Variants in WDR44 observed in about 807,000 individuals in gnomAD.
WDR44 encodes the protein WD repeat domain 44.
Under a neutral mutation model 65.7 loss-of-function variants are expected in WDR44, and 9 were observed. The ratio of observed to expected loss-of-function variants is 0.14; its 90% CI spans 0.08 to 0.24. WDR44 has a LOEUF of 0.24. Ranked by LOEUF, WDR44 falls within the 10% of genes least tolerant of loss-of-function variation. The pLI is 1.00. For missense variants in WDR44, 425 were observed against 670.9 expected (o/e 0.63, Z 4.05); for synonymous variants, 220 against 235.2 (o/e 0.94, Z 0.59).
intron 12 of WDR44, among the ~76,000 whole-genome samples, chrX:118,432,489 G>A (rs900791773): frequency 1.8e-5 from 2 of 111,722 alleles, no homozygotes; most frequent in African/African-American, 6.5e-5. Flanking sequence ...TGATTCACTC[G>A]CTGGTACTGG....
At position 118,378,709 on chromosome X, in the gene WDR44, C is replaced by CGTGTGTGTGTGTGTGTGTGT. The variant is rs61698360; in HGVS notation, c.111+264_111+283dup. 1.0e-2 allele frequency among the ~76,000 whole-genome samples: 942 copies of CGTGTGTGTGTGTGTGTGTGT among 94,427 alleles called. 28 individuals are homozygous for CGTGTGTGTGTGTGTGTGTGT. The highest frequency in any genetic ancestry group is 0.034 in the African/African-American group (798 of 23,182). The allele number at this position is 94,427 out of a possible 115,157, so 82.0% of individuals were successfully genotyped here. On this transcript the variant is annotated intron_variant, in intron 2 of 19. Coordinates refer to ENST00000254029, the MANE Select transcript of WDR44 (RefSeq NM_019045.5). ...GTTTATAATATCTAGAATAAAAGAA[C>CGTGTGTGTGTGTGTGTGTGT]GTGTGTGTGTGTGTGTGTGTGTGTG...
intron 9 of WDR44, 143 bp downstream of exon 9, chrX:118,404,587 CTA>C (rs777650608): frequency 7.1e-6 from 3 of 420,005 alleles, no homozygotes; most frequent in South Asian, 6.3e-5. Context: ...ATAAGGTACT[CTA>C]TGACTTAATT....
intron 1 of WDR44, among the ~76,000 whole-genome samples, chrX:118,360,145 C>A (rs182053531): frequency 2.1e-4 from 23 of 111,919 alleles, no homozygotes; most frequent in African/African-American, 3.6e-4. Context: ...GGTACTGTTA[C>A]AAATTATTTA....
At chrX:118,387,979 C>G (rs1032788830) in intron 3 of WDR44, among the ~76,000 whole-genome samples, 6 of 111,588 alleles carry the variant, frequency 5.4e-5, no homozygotes, top group Admixed American at 4.8e-4. Context: ...GTGCCCTAGG[C>G]AATGTTCTAG....
At chrX:118,418,934 G>C (rs766280535) in intron 12 of WDR44, among the ~76,000 whole-genome samples, 7 of 110,613 alleles carry the variant, frequency 6.3e-5, no homozygotes, top group Admixed American at 1.9e-4. Context: ...GGCTGCCTCT[G>C]CTGAGTCATG....
At chrX:118,434,897 T>A (rs2057241455) in intron 13 of WDR44, among the ~76,000 whole-genome samples, 1 of 111,870 alleles carries the variant, frequency 8.9e-6, no homozygotes, top group South Asian at 3.7e-4. Context: ...AGAATTACCG[T>A]GTTAATTCTT....
In WDR44 at chrX:118,353,325, G is replaced by A. The variant is rs865939465; in HGVS notation, c.77+6745G>A. 2.3e-4 allele frequency among the ~76,000 whole-genome samples: 26 copies of A among 111,835 alleles called. No homozygotes were observed. In the Middle Eastern group the frequency reaches 0.019, roughly 80 times the overall value. Reference sequence around the variant, plus strand: ...CCTCATACCTGATGGCAACCCTGATGTTTTTCCTCAGTCAGTATACAAATT... The same window carrying A: ...CCTCATACCTGATGGCAACCCTGATATTTTTCCTCAGTCAGTATACAAATT... On this transcript the variant is annotated intron_variant, in intron 1 of 19. Coordinates refer to ENST00000254029, the MANE Select transcript of WDR44 (RefSeq NM_019045.5).
In WDR44 at chrX:118,378,323, A is replaced by G. The variant is rs1304440469; in HGVS notation, c.78-96A>G. 3 of 722,676 alleles carry G rather than the reference A, an allele frequency of 4.2e-6. No homozygotes were observed. The African/African-American group carries it at 6.5e-5, about 16-fold the overall frequency. 59.6% of individuals were successfully genotyped at this position (722,676 alleles called of 1,213,427 possible). A position where few individuals can be genotyped will look rare whatever the true frequency, so the allele number is the denominator to read the frequency against. ...CTTTTCAGTCACAAAATATATACAC[A>G]TTTTTTAAATGTGGACTTGTCTGTA... On this transcript the variant is annotated intron_variant, in intron 1 of 19. Coordinates refer to ENST00000254029, the MANE Select transcript of WDR44 (RefSeq NM_019045.5).
At chrX:118,429,415 C>G (rs931136296) in intron 12 of WDR44, among the ~76,000 whole-genome samples, 1 of 107,919 alleles carries the variant, frequency 9.3e-6, no homozygotes, top group Admixed American at 1.0e-4. Context: ...ATAGTGGAAC[C>G]CTGTCTCTAC....
At chrX:118,364,476 A>G (rs1196092656) in intron 1 of WDR44, among the ~76,000 whole-genome samples, 1 of 112,063 alleles carries the variant, frequency 8.9e-6, no homozygotes, top group East Asian at 2.8e-4. Flanking sequence ...GTTACCTTAT[A>G]TTGAAATTAT....
chrX:118,371,473 A>G (rs774690797), intron 1 of WDR44, among the ~76,000 whole-genome samples: 1 of 111,759 alleles, frequency 8.9e-6, no homozygotes, highest in Non-Finnish European at 1.9e-5. Flanking sequence ...AAAGATCAGT[A>G]TGTAAAGTGA....
At chrX:118,395,168 T>C (rs2056854990) in intron 5 of WDR44, 81 bp from the exon 6 acceptor site, 1 of 887,316 alleles carries the variant, frequency 1.1e-6, no homozygotes, top group Non-Finnish European at 1.6e-6. Context: ...TATGAAATTC[T>C]TTAGAATTAT....
chrX:118,363,356 G>A (rs938927683), intron 1 of WDR44, among the ~76,000 whole-genome samples: 30 of 101,093 alleles, frequency 3.0e-4, no homozygotes, highest in Non-Finnish European at 4.8e-4. Flanking sequence ...AGCCAAGATC[G>A]TGCCGTTGTA....
At chrX:118,358,448 T>C (rs2056482546) in intron 1 of WDR44, among the ~76,000 whole-genome samples, 2 of 112,215 alleles carry the variant, frequency 1.8e-5, no homozygotes, top group African/African-American at 3.2e-5. Context: ...CAGAAGCTCA[T>C]GCCCAGTGCC....
At chrX:118,374,280 G>T (rs753315261) in intron 1 of WDR44, among the ~76,000 whole-genome samples, 5 of 110,813 alleles carry the variant, frequency 4.5e-5, no homozygotes, top group Admixed American at 1.9e-4. Context: ...AAATGAATTG[G>T]TTTTTTTTCA....
chrX:118,409,670 T>C (rs1361992391), intron 11 of WDR44, 43 bp downstream of exon 11: 12 of 1,130,685 alleles, frequency 1.1e-5, no homozygotes, highest in Non-Finnish European at 1.4e-5. Flanking sequence ...CCTGAAGTTT[T>C]TACATTTTAG....
intron 1 of WDR44, among the ~76,000 whole-genome samples, chrX:118,354,717 T>TATACAGAACAAGCC (rs2056444498): frequency 8.9e-6 from 1 of 111,997 alleles, no homozygotes; most frequent in Admixed American, 9.5e-5. Flanking sequence ...ATAGGTATCC[T>TATACAGAACAAGCC]ATACAGAACA....
At chrX:118,446,599 AT>A (rs1288241140) in intron 19 of WDR44, among the ~76,000 whole-genome samples, 1 of 111,319 alleles carries the variant, frequency 9.0e-6, no homozygotes, top group African/African-American at 3.3e-5. Flanking sequence ...ATCTCAAGTA[AT>A]TTTTTTGTAG....
At position 118,393,323 on chromosome X, in the gene WDR44, C is replaced by A. The variant is rs748462397; in HGVS notation, c.826+52C>A. On this transcript the variant is annotated intron_variant, in intron 4 of 19. Coordinates refer to ENST00000254029, the MANE Select transcript of WDR44 (RefSeq NM_019045.5). ...GTTGGTTGGGCACAGTGGCTCACGC[C>A]TGTAATCCCAGCACTTTGGGAGGCC... 9 of 1,136,993 alleles carry A rather than the reference C, an allele frequency of 7.9e-6. No homozygotes were observed. The East Asian group carries it at 1.8e-4, about 23-fold the overall frequency. 93.7% of individuals were successfully genotyped at this position (1,136,993 alleles called of 1,213,427 possible).
Sources: allele counts gnomAD v4.1 joint callset (sites outside exome capture counted in the v4.1 genomes callset), GRCh38; gene constraint gnomAD v4.1.1; transcripts MANE v1.5; gene names NCBI Gene and HGNC (gene_info 2026-07-23, HGNC 2026-07-21).